GRHL2: variants seen among roughly 807,000 people sequenced by gnomAD.
GRHL2 encodes the protein grainyhead like transcription factor 2.
A neutral mutation model predicts 83.8 loss-of-function variants in GRHL2; 21 were observed. The ratio of observed to expected loss-of-function variants is 0.25; its 90% confidence interval spans 0.18 to 0.36. The LOEUF is 0.36. Among genes scored for constraint, GRHL2 ranks in the 10% least tolerant of loss-of-function variants. The probability of loss-of-function intolerance (pLI) is 1.00; values close to 1 mark genes in which losing one functional copy is unlikely to be tolerated. For missense variants in GRHL2, 623 were observed against 781.8 expected (o/e 0.80, Z 2.42); for synonymous variants, 280 against 278.9 (o/e 1.00, Z -0.04).
downstream of GRHL2, among the ~76,000 whole-genome samples, chr8:101,674,528 T>C (rs1014736925): frequency 2.0e-5 from 3 of 152,156 alleles, no homozygotes; most frequent in Non-Finnish European, 2.9e-5. Context: ...AATCTCTGAA[T>C]AGACCAATAA....
rs563559966 is a variant in GRHL2 at position 101,516,633 on chromosome 8, A to G, written c.20+23844A>G. On this transcript the variant is annotated intron_variant, in intron 1 of 15. Coordinates refer to ENST00000646743, the MANE Select transcript of GRHL2 (RefSeq NM_024915.4). Reference sequence around the variant, plus strand: ...TGTTGCTCTGGCTGGTCTCAAACTCATGAGCTCAGGCAATCCTCCTGTCTT... The same window carrying G: ...TGTTGCTCTGGCTGGTCTCAAACTCGTGAGCTCAGGCAATCCTCCTGTCTT... Among the ~76,000 whole-genome samples the G allele has an allele frequency of 2.3e-4, 35 of 152,192 alleles. 2 individuals are homozygous for G. The South Asian group carries it at 7.1e-3, about 31-fold the overall frequency.
At chr8:101,521,526 G>A (rs928530703) in intron 1 of GRHL2, among the ~76,000 whole-genome samples, 3 of 152,086 alleles carry the variant, frequency 2.0e-5, no homozygotes, top group Non-Finnish European at 4.4e-5. Context: ...ATCTGCAGTT[G>A]TATATTCTTC....
intron 11 of GRHL2, among the ~76,000 whole-genome samples, chr8:101,633,134 C>T (rs1813221103): frequency 6.6e-6 from 1 of 152,010 alleles, no homozygotes; most frequent in Non-Finnish European, 1.5e-5. Context: ...AGAAAAATTG[C>T]AACACTTTTT....
chr8:101,588,949 G>A (rs1812222123), intron 7 of GRHL2, among the ~76,000 whole-genome samples: 1 of 152,124 alleles, frequency 6.6e-6, no homozygotes, highest in African/African-American at 2.4e-5. Context: ...ATAGTTTCTG[G>A]ATATGTCATC....
intron 5 of GRHL2, among the ~76,000 whole-genome samples, chr8:101,572,937 C>A (rs1225677170): frequency 6.6e-6 from 1 of 152,176 alleles, no homozygotes; most frequent in Admixed American, 6.5e-5. Flanking sequence ...AACCTTGCTG[C>A]TGTAGTACGA....
chr8:101,537,000 G>A (rs1163128393), intron 1 of GRHL2, among the ~76,000 whole-genome samples: 2 of 151,336 alleles, frequency 1.3e-5, no homozygotes, highest in Non-Finnish European at 2.9e-5. Context: ...TCATCATTTG[G>A]CTCCCACTTA....
At chr8:101,635,626 A>G (rs1813269120) in intron 11 of GRHL2, among the ~76,000 whole-genome samples, 1 of 152,222 alleles carries the variant, frequency 6.6e-6, no homozygotes, top group African/African-American at 2.4e-5. Context: ...GTTACTCTAT[A>G]TTCATTAAAT....
intron 5 of GRHL2, among the ~76,000 whole-genome samples, chr8:101,573,098 G>A (rs1811860177): frequency 6.6e-6 from 1 of 152,134 alleles, no homozygotes; most frequent in Admixed American, 6.6e-5. Flanking sequence ...TTCTTCCGCA[G>A]GCTTGAAAAC....
chr8:101,515,209 C>CACACACAT (rs1358090178), intron 1 of GRHL2, among the ~76,000 whole-genome samples: 2 of 145,466 alleles, frequency 1.4e-5, no homozygotes, highest in African/African-American at 4.9e-5. Flanking sequence ...CACACACACA[C>CACACACAT]ATTAATATTA....
At chr8:101,678,909 C>A in the GRHL2 span, among the ~76,000 whole-genome samples, 1 of 135,076 alleles carries the variant, frequency 7.4e-6, no homozygotes, top group Non-Finnish European at 1.6e-5. Context: ...GACATCCACA[C>A]CAAAAACCCA....
At chr8:101,609,792 C>T (rs1360837014) in intron 8 of GRHL2, among the ~76,000 whole-genome samples, 1 of 150,922 alleles carries the variant, frequency 6.6e-6, no homozygotes, top group Non-Finnish European at 1.5e-5. Context: ...TAGAAGGATA[C>T]TCAAGAAATT....
chr8:101,543,665 G>T (rs111642558), intron 2 of GRHL2: 3 of 553,020 alleles, frequency 5.4e-6, no homozygotes, highest in Non-Finnish European at 9.8e-6. Flanking sequence ...TATTTTTTGT[G>T]TTCCTTGTTC....
intron 15 of GRHL2, among the ~76,000 whole-genome samples, chr8:101,665,503 T>C (rs1586183099): frequency 6.6e-6 from 1 of 152,202 alleles, no homozygotes; most frequent in African/African-American, 2.4e-5. Context: ...TGTTGGAAGA[T>C]TCACTAAAAT....
At chr8:101,624,427 GACAGTACACAGTAGGACAGTTT>G (rs1813035793) in intron 9 of GRHL2, among the ~76,000 whole-genome samples, 3 of 150,162 alleles carry the variant, frequency 2.0e-5, no homozygotes, top group African/African-American at 4.9e-5. Context: ...TACACAGTAG[GACAGTACACAGTAGGACAGTTT>G]ACAGTACACA....
At chr8:101,620,082 T>A (rs1812934121) in intron 9 of GRHL2, among the ~76,000 whole-genome samples, 1 of 152,180 alleles carries the variant, frequency 6.6e-6, no homozygotes, top group African/African-American at 2.4e-5. Flanking sequence ...GGGCTCGCTT[T>A]CTGGCTTGCA....
intron 6 of GRHL2, among the ~76,000 whole-genome samples, chr8:101,575,633 C>G (rs866554066): frequency 6.6e-6 from 1 of 152,276 alleles, no homozygotes; most frequent in East Asian, 1.9e-4. Context: ...TTTCAAACTG[C>G]GTTTTCCTTT....
chr8:101,558,223 G>C (rs1243197151), intron 3 of GRHL2, among the ~76,000 whole-genome samples, 196 bp from the exon 4 acceptor site: 1 of 152,118 alleles, frequency 6.6e-6, no homozygotes, highest in African/African-American at 2.4e-5. Context: ...TGATACCAGG[G>C]GGCGCATGGC....
At chr8:101,608,586 GCAGCTC>G (rs151330445) in intron 8 of GRHL2, among the ~76,000 whole-genome samples, 1 of 144,044 alleles carries the variant, frequency 6.9e-6, no homozygotes, top group African/African-American at 2.9e-5. Context: ...GAAGAGAGAG[GCAGCTC>G]CATTTTTTAT....
chr8:101,543,069 A>G (rs962725491), intron 1 of GRHL2, among the ~76,000 whole-genome samples, 172 bp from the exon 2 acceptor site: 1 of 152,264 alleles, frequency 6.6e-6, no homozygotes, highest in Non-Finnish European at 1.5e-5. Context: ...TCTCATAGAC[A>G]GTAAAAAAAT....
Sources: allele counts gnomAD v4.1 joint callset (sites outside exome capture counted in the v4.1 genomes callset), GRCh38; gene constraint gnomAD v4.1.1; transcripts MANE v1.5; gene names NCBI Gene and HGNC (gene_info 2026-07-23, HGNC 2026-07-21).